The following ARPP19 variants were observed in gnomAD, a reference collection of about 807,000 sequenced individuals.
ARPP19 encodes the protein cAMP-regulated phosphoprotein 19.
In ARPP19, 8 loss-of-function variants were observed where a neutral mutation model predicts 12.0. The observed-to-expected ratio is 0.67, with a 90% CI of 0.39 to 1.21. ARPP19 has a LOEUF of 1.21. ARPP19 is among the 50% of genes most tolerant of loss of function. ARPP19 has a pLI of 0.01. For synonymous variants in ARPP19, 47 were observed against 50.4 expected, an observed-to-expected ratio of 0.93 and a Z score of 0.29; for missense variants, 102 against 136.3, an observed-to-expected ratio of 0.75 and a Z score of 1.25.
At chr15:52,564,012 T>C (rs2078058892) in intron 1 of ARPP19, among the ~76,000 whole-genome samples, 1 of 152,238 alleles carries the variant, frequency 6.6e-6, no homozygotes, top group Non-Finnish European at 1.5e-5. Context: ...TTCTTCACAC[T>C]TGAGGATTTC....
Position 52,569,023 on chromosome 15 carries a change from C to G in ARPP19, c.-131G>C. On this transcript the variant is annotated 5_prime_UTR_variant, in exon 1 of 3. Coordinates refer to ENST00000249822, the MANE Select transcript of ARPP19 (RefSeq NM_006628.6). Reference sequence around the variant, plus strand: ...CTCCGCCCGCGAAAATGGCCGCCGCCTTATGACGACACGGAGCCGCGAAAC... The same window carrying G: ...CTCCGCCCGCGAAAATGGCCGCCGCGTTATGACGACACGGAGCCGCGAAAC... 1 of 654,414 alleles carries G rather than the reference C, an allele frequency of 1.5e-6. No homozygotes were observed. Among genetic ancestry groups the G allele is most frequent in the Non-Finnish European group, 2.6e-6 (1 of 381,160 alleles). 40.5% of individuals were successfully genotyped at this position (654,414 alleles called of 1,614,324 possible).
intron 2 of ARPP19, among the ~76,000 whole-genome samples, chr15:52,553,967 C>A (rs140292778): frequency 6.8e-4 from 103 of 152,330 alleles, no homozygotes; most frequent in African/African-American, 2.5e-3. Context: ...GGAACAGGCC[C>A]ATCTAAAGCT....
At chr15:52,567,011 T>C (rs1044111474) in intron 1 of ARPP19, among the ~76,000 whole-genome samples, 1 of 152,202 alleles carries the variant, frequency 6.6e-6, no homozygotes, top group African/African-American at 2.4e-5. Context: ...GGAAGGTCAA[T>C]TGGGTACACA....
intron 1 of ARPP19, chr15:52,557,863 CACCAT>C (rs757777990): frequency 5.9e-5 from 9 of 152,198 alleles, no homozygotes; most frequent in Non-Finnish European, 1.2e-4. Flanking sequence ...AGGCATGACC[CACCAT>C]GCCTGGCCCA....
At chr15:52,569,045 A>G (rs1595871062), upstream of ARPP19, 1 of 612,616 alleles carries the variant, frequency 1.6e-6, no homozygotes, top group East Asian at 3.4e-5. Flanking sequence ...CGGAGCCGCG[A>G]AACGCTCCGC....
intron 1 of ARPP19, among the ~76,000 whole-genome samples, chr15:52,566,157 TTTTA>T (rs2078080146): frequency 6.9e-6 from 1 of 144,442 alleles, no homozygotes; most frequent in Admixed American, 6.9e-5. Flanking sequence ...CCCGGCCAAA[TTTTA>T]TTTTATTTAT....
intron 1 of ARPP19, among the ~76,000 whole-genome samples, chr15:52,566,454 G>C (rs537803288): frequency 1.3e-5 from 2 of 152,022 alleles, no homozygotes; most frequent in Admixed American, 6.6e-5. Flanking sequence ...CCACAGCACA[G>C]GCCTTTTAAA....
chr15:52,549,512 A>G lies in ARPP19; in HGVS notation c.*2422T>C, dbSNP rs2077909367. 6.6e-6 allele frequency: 1 copy of G among 152,640 alleles called. No homozygotes were observed. Among genetic ancestry groups the G allele is most frequent in the Admixed American group, 6.5e-5 (1 of 15,280 alleles). The allele number at this position is 152,640 out of a possible 1,614,324, so 9.5% of individuals were successfully genotyped here. The stretch of plus-strand genomic sequence containing the variant: ...TTACAGAAGGCAGGTTGGCTTAATG[A>G]GGAAATTTACTTTTAATAAAAAGAC... On this transcript the variant is annotated 3_prime_UTR_variant, in exon 3 of 3. Transcript: ENST00000249822.
chr15:52,566,779 A>G (rs771829896), intron 1 of ARPP19, among the ~76,000 whole-genome samples: 13 of 151,698 alleles, frequency 8.6e-5, no homozygotes, highest in Non-Finnish European at 1.6e-4. Context: ...ATAAGAGTTT[A>G]TACTTATTTT....
upstream of ARPP19, chr15:52,569,070 G>A (rs2078117161): frequency 1.8e-6 from 1 of 569,710 alleles, no homozygotes; most frequent in Non-Finnish European, 3.1e-6. Flanking sequence ...CAAGGCCCTC[G>A]CACGCCGGAG....
chr15:52,552,931 G>T (rs1229591111), intron 2 of ARPP19, among the ~76,000 whole-genome samples: 1 of 152,026 alleles, frequency 6.6e-6, no homozygotes, highest in East Asian at 1.9e-4. Context: ...ACAAAAATTA[G>T]TCGGTTGTGG....
intron 2 of ARPP19, among the ~76,000 whole-genome samples, chr15:52,552,888 C>T (rs544006105): frequency 4.0e-4 from 61 of 152,146 alleles, no homozygotes; most frequent in African/African-American, 1.4e-3. Flanking sequence ...ACCAGAACGG[C>T]CAATATGGTG....
Position 52,547,049 on chromosome 15 carries a change from A to C in ARPP19, c.*4885T>G, listed in dbSNP as rs771695878. 1 of 150,938 alleles carries C rather than the reference A, an allele frequency of 6.6e-6. No homozygotes were observed. Among genetic ancestry groups the C allele is most frequent in the Non-Finnish European group, 1.5e-5 (1 of 67,872 alleles). 9.3% of individuals were successfully genotyped at this position (150,938 alleles called of 1,614,324 possible). ...CACAAATAAGATGAAAAAGACTCAC[A>C]ATCTGCAAACATTTAATCCTACCTT... On this transcript the variant is annotated 3_prime_UTR_variant, in exon 3 of 3. Transcript: ENST00000249822.
chr15:52,569,168 A>G, upstream of ARPP19: 1 of 465,004 alleles, frequency 2.2e-6, no homozygotes, highest in Non-Finnish European at 3.8e-6. Context: ...TTTTTCCTTC[A>G]AAGGTCGCCG....
chr15:52,547,230 TAAATC>T lies in ARPP19; in HGVS notation c.*4699_*4703del, dbSNP rs2077885125. The T allele has an allele frequency of 1.3e-5, 2 of 152,198 alleles. No homozygotes were observed. Among genetic ancestry groups the T allele is most frequent in the Non-Finnish European group, 2.9e-5 (2 of 67,994 alleles). 9.4% of individuals were successfully genotyped at this position (152,198 alleles called of 1,614,324 possible). On this transcript the variant is annotated 3_prime_UTR_variant, in exon 3 of 3. Coordinates refer to ENST00000249822, the MANE Select transcript of ARPP19 (RefSeq NM_006628.6). ...ACTTTAATAAGACAAAACTGCAAAT[TAAATC>T]AATAGAAATTAGGTAGATCCATTTA...
chr15:52,555,337 G>C (rs1052958551), intron 2 of ARPP19, among the ~76,000 whole-genome samples: 2 of 151,984 alleles, frequency 1.3e-5, no homozygotes, highest in East Asian at 1.9e-4. Flanking sequence ...TTATGCTGGA[G>C]ATTAGCAAAG....
intron 2 of ARPP19, among the ~76,000 whole-genome samples, chr15:52,556,459 T>C (rs935256258): frequency 6.6e-6 from 1 of 152,106 alleles, no homozygotes; most frequent in African/African-American, 2.4e-5. Flanking sequence ...TCGCAAAACA[T>C]GGCAAGAATT....
chr15:52,552,408 A>G lies in ARPP19; in HGVS notation c.169-304T>C, dbSNP rs545304672. Among the ~76,000 whole-genome samples, 26 of 149,378 alleles carry G rather than the reference A, an allele frequency of 1.7e-4. 1 individual carries two copies. In the South Asian group the frequency reaches 5.5e-3, roughly 32 times the overall value. ...AATATGGCGAAACCCTGTCTCTACTAAAAAAAAACAAAAAAAACAAAAAAC... is the reference window on the plus strand; with the variant it reads ...AATATGGCGAAACCCTGTCTCTACTGAAAAAAAACAAAAAAAACAAAAAAC... On this transcript the variant is annotated intron_variant, in intron 2 of 2. Transcript: ENST00000249822.
Position 52,557,155 on chromosome 15 carries a change from T to C in ARPP19, c.113A>G (p.His38Arg). 6.2e-7 allele frequency: 1 copy of C among 1,612,442 alleles called. No homozygotes were observed. Among genetic ancestry groups the C allele is most frequent in the Non-Finnish European group, 8.5e-7 (1 of 1,179,232 alleles). ...EEAKLKARYP[H>R]LGQKPGGSDF... ...TGAACCTCCAGGCTTTTGTCCCAGATGAGGATATCTTGCTTTTAATTTTGC... is the reference window on the plus strand; with the variant it reads ...TGAACCTCCAGGCTTTTGTCCCAGACGAGGATATCTTGCTTTTAATTTTGC... The change falls in exon 2 of 3, where the codon CAT becomes CGT. Residue 38 changes from histidine to arginine, a missense_variant. Transcript: ENST00000249822.
Sources: allele counts gnomAD v4.1 joint callset (sites outside exome capture counted in the v4.1 genomes callset), GRCh38; gene constraint gnomAD v4.1.1; transcripts MANE v1.5; gene names NCBI Gene and HGNC (gene_info 2026-07-23, HGNC 2026-07-21).